Variants in RCAN1 observed in about 807,000 individuals in gnomAD.
RCAN1 encodes the protein regulator of calcineurin 1, also known as calcipressin-1.
Under a neutral mutation model 22.9 loss-of-function variants are expected in RCAN1, and 11 were observed. The ratio of observed to expected loss-of-function variants is 0.48; its 90% CI spans 0.30 to 0.79. The LOEUF (loss-of-function observed/expected upper bound fraction) is 0.79. Ranked by LOEUF, RCAN1 falls within the 30% of genes least tolerant of loss-of-function variation. The pLI is 0.06. For missense variants in RCAN1, 291 were observed against 337.8 expected, an observed-to-expected ratio of 0.86 and a Z score of 1.09; for synonymous variants, 136 against 142.3, an observed-to-expected ratio of 0.96 and a Z score of 0.32.
intron 1 of RCAN1, among the ~76,000 whole-genome samples, chr21:34,566,752 G>A (rs1031976049): frequency 7.9e-5 from 12 of 152,152 alleles, no homozygotes; most frequent in Non-Finnish European, 1.3e-4. Context: ...AGCTCTGCTC[G>A]GCTTCTGGTG....
chr21:34,535,902 G>GAA (rs5843669), intron 1 of RCAN1, among the ~76,000 whole-genome samples: 6 of 143,280 alleles, frequency 4.2e-5, no homozygotes, highest in Non-Finnish European at 7.7e-5. Context: ...CAAGTATAAA[G>GAA]AAAAAAAAAA....
At chr21:34,568,864 A>G (rs1987128624) in intron 1 of RCAN1, among the ~76,000 whole-genome samples, 1 of 152,246 alleles carries the variant, frequency 6.6e-6, no homozygotes, top group African/African-American at 2.4e-5. Context: ...CTGGGAAGAA[A>G]AAGAAGTTTA....
Position 34,614,800 on chromosome 21 carries a change from C to T in RCAN1, c.212G>A (p.Cys71Tyr), listed in dbSNP as rs774367928. ...CACGAACACGCGCGGGTCCAGGTGA[C>T]AGGCGATGGTGGCGCTGGGCAGGTC... ...LQDLPSATIA[C>Y]HLDPRVFVDG... The change falls in exon 1 of 4, where the codon TGT (cysteine) becomes TAT (tyrosine). Residue 71 changes from cysteine (C) to tyrosine (Y), a missense_variant. Coordinates refer to ENST00000313806, the MANE Select transcript of RCAN1 (RefSeq NM_004414.7). The surrounding 1 kb of genome is among the most constrained non-coding windows in gnomAD (Gnocchi z 6.0). 6.7e-7 allele frequency: 1 copy of T among 1,482,532 alleles called. No individual in the cohort carries two copies. The highest frequency in any genetic ancestry group is 9.0e-7 in the Non-Finnish European group (1 of 1,114,308). The allele number at this position is 1,482,532 out of a possible 1,614,324, so 91.8% of individuals were successfully genotyped here.
chr21:34,558,189 G>A (rs986305461), intron 1 of RCAN1, among the ~76,000 whole-genome samples: 4 of 152,222 alleles, frequency 2.6e-5, no homozygotes, highest in Non-Finnish European at 5.9e-5. Flanking sequence ...TCTCCCTCTC[G>A]AACTCCGAGG....
rs115373548 is a variant in RCAN1 at position 34,589,429 on chromosome 21, T to C, written c.252+25331A>G. Among the ~76,000 whole-genome samples the C allele has an allele frequency of 4.0e-3, 609 of 152,272 alleles. 5 individuals carry two copies. The highest frequency in any genetic ancestry group is 0.014 in the African/African-American group (584 of 41,558). On this transcript the variant is annotated intron_variant, in intron 1 of 3. Transcript: ENST00000313806. ...TAATTAAAGTTTTAAGAAGGAGATA[T>C]AGGTAAAGGATGCTAATTTTCCTGG...
At chr21:34,532,973 T>G (rs1985474098) in intron 1 of RCAN1, among the ~76,000 whole-genome samples, 1 of 151,732 alleles carries the variant, frequency 6.6e-6, no homozygotes, top group South Asian at 2.1e-4. Flanking sequence ...CTTTTTTTTT[T>G]TTTTTGAGAC....
intron 1 of RCAN1, among the ~76,000 whole-genome samples, chr21:34,580,186 C>T (rs1337986151): frequency 1.3e-5 from 1 of 78,676 alleles, no homozygotes; most frequent in African/African-American, 4.2e-5. Flanking sequence ...AAGTCAAGCC[C>T]AGCTTTAGAG....
intron 1 of RCAN1, among the ~76,000 whole-genome samples, chr21:34,567,561 A>AAAG (rs1470152732): frequency 6.6e-6 from 1 of 152,038 alleles, no homozygotes; most frequent in African/African-American, 2.4e-5. Context: ...TCTCAAAAAA[A>AAAG]AAAAAAAAAG....
chr21:34,556,429 AAATAAT>A (rs56236946), intron 1 of RCAN1, among the ~76,000 whole-genome samples: 84 of 145,528 alleles, frequency 5.8e-4, no homozygotes, highest in East Asian at 2.4e-3. Flanking sequence ...TTGTCTCAAA[AAATAAT>A]AATAATAATA....
chr21:34,580,952 G>A (rs925854448), intron 1 of RCAN1, among the ~76,000 whole-genome samples: 1 of 152,174 alleles, frequency 6.6e-6, no homozygotes, highest in Non-Finnish European at 1.5e-5. Flanking sequence ...TATGGAAAAG[G>A]AGGGGTGAGA....
At chr21:34,557,145 G>A (rs1001787309) in intron 1 of RCAN1, among the ~76,000 whole-genome samples, 35 of 152,216 alleles carry the variant, frequency 2.3e-4, no homozygotes, top group Admixed American at 3.3e-4. Context: ...CCCGGGAGGC[G>A]GAGGTTGCAG....
intron 1 of RCAN1, among the ~76,000 whole-genome samples, chr21:34,538,429 T>G (rs1002478753): frequency 2.0e-5 from 3 of 152,064 alleles, no homozygotes; most frequent in Non-Finnish European, 4.4e-5. Flanking sequence ...TACTGTCCTC[T>G]GTAGAGGTGA....
intron 1 of RCAN1, among the ~76,000 whole-genome samples, chr21:34,613,274 T>C (rs1988729900): frequency 6.6e-6 from 1 of 152,344 alleles, no homozygotes; most frequent in African/African-American, 2.4e-5. Context: ...TTTTTTCCTA[T>C]AGCATCATTA....
chr21:34,522,311 T>C (rs1984632350), intron 2 of RCAN1: 1 of 152,216 alleles, frequency 6.6e-6, no homozygotes, highest in Admixed American at 6.5e-5. Flanking sequence ...CATAGAGCTC[T>C]TACATCTCAA....
intron 1 of RCAN1, among the ~76,000 whole-genome samples, chr21:34,602,363 A>G (rs1988382477): frequency 6.6e-6 from 1 of 152,040 alleles, no homozygotes; most frequent in Non-Finnish European, 1.5e-5. Context: ...CAAGCTCTAT[A>G]CCCGCACCCC....
At chr21:34,548,509 A>G (rs1460983446) in intron 1 of RCAN1, among the ~76,000 whole-genome samples, 1 of 152,172 alleles carries the variant, frequency 6.6e-6, no homozygotes, top group Non-Finnish European at 1.5e-5. Context: ...ATAATAAAAA[A>G]AAGTTAAGGC....
chr21:34,530,028 G>C (rs1185020433), intron 1 of RCAN1, among the ~76,000 whole-genome samples: 1 of 152,208 alleles, frequency 6.6e-6, no homozygotes, highest in Non-Finnish European at 1.5e-5. Flanking sequence ...ATGTGGAACT[G>C]TAAGTCCAAT....
chr21:34,526,797 C>T (rs1169355872), intron 1 of RCAN1: 1 of 1,577,860 alleles, frequency 6.3e-7, no homozygotes, highest in South Asian at 1.2e-5. Flanking sequence ...AGTCAAGCCC[C>T]TAGTGAGATT....
chr21:34,519,326 G>A (rs1018947044), intron 3 of RCAN1, among the ~76,000 whole-genome samples: 2 of 151,724 alleles, frequency 1.3e-5, no homozygotes, highest in Non-Finnish European at 2.9e-5. Context: ...GTGGCCTCAT[G>A]GTCAGTTTTC....
Sources: gnomAD v4.1 joint callset for allele counts (sites outside exome capture counted in the v4.1 genomes callset) on GRCh38, gnomAD v4.1.1 for gene constraint, Gnocchi (gnomAD v3.1) non-coding constraint, MANE v1.5 for transcripts, NCBI Gene and HGNC (gene_info 2026-07-23, HGNC 2026-07-21) for gene names.